Variants in CFAP47 observed in about 807,000 individuals in gnomAD.
CFAP47 encodes cilia- and flagella-associated protein 47.
Under a neutral mutation model 148.1 loss-of-function variants are expected in CFAP47, and 29 were observed. The ratio of observed to expected loss-of-function variants is 0.20; its 90% CI spans 0.15 to 0.27. The LOEUF (loss-of-function observed/expected upper bound fraction) is 0.27, where lower values mean the gene tolerates loss of function less well. Ranked by LOEUF, CFAP47 falls within the 10% of genes least tolerant of loss-of-function variation. CFAP47 has a pLI of 1.00. For synonymous variants in CFAP47, 664 were observed against 577.3 expected (o/e 1.15, Z -2.15); for missense variants, 1,872 against 1,697.5 (o/e 1.10, Z -1.81).
chrX:35,920,540 A>G (rs1030044963), intron 1 of CFAP47, among the ~76,000 whole-genome samples: 1 of 111,930 alleles, frequency 8.9e-6, no homozygotes, highest in African/African-American at 3.2e-5. Context: ...CGGAATGGAC[A>G]CAGCCCTGCC....
intron 45 of CFAP47, among the ~76,000 whole-genome samples, chrX:36,223,184 C>T (rs1940231420): frequency 9.0e-6 from 1 of 111,153 alleles, no homozygotes; most frequent in Non-Finnish European, 1.9e-5. Flanking sequence ...TCCTTTATAG[C>T]TTACAGAACC....
chrX:35,960,380 G>GGAAAAAAAAAAAAAAAAAAAAAAAAA (rs1227681980), intron 8 of CFAP47, among the ~76,000 whole-genome samples: 2 of 15,489 alleles, frequency 1.3e-4, no homozygotes, highest in African/African-American at 5.2e-4. Flanking sequence ...GCTAATTTCT[G>GGAAAAAAAAAAAAAAAAAAAAAAAAA]AAAAAAAAAA....
At chrX:36,077,282 GT>G (rs747809859) in intron 29 of CFAP47, among the ~76,000 whole-genome samples, 7 of 74,107 alleles carry the variant, frequency 9.4e-5, no homozygotes, top group Admixed American at 5.1e-4. Context: ...TTTTAGAAAA[GT>G]TTTTTTTTAT....
rs782180630 is a variant in CFAP47 at position 36,379,446 on chromosome X, C to T, written c.9282C>T (p.Asn3094=). 88 of 1,159,970 alleles carry T rather than the reference C, an allele frequency of 7.6e-5. No homozygotes were observed. In the East Asian group the frequency reaches 1.6e-3, roughly 21 times the overall value. The change falls in exon 63 of 64, where the codon AAC becomes AAT. Residue 3094 remains asparagine, a synonymous_variant. Transcript: ENST00000378653. The part of the protein sequence containing the change: ...QAGELLPFNT[N]GTLITVGFKP... ...GAGAACTTCTTCCTTTTAACACAAA[C>T]GGAACTCTCATCACTGTAGGATTTA...
intron 33 of CFAP47, among the ~76,000 whole-genome samples, chrX:36,120,783 A>G (rs1266836550): frequency 9.1e-6 from 1 of 109,785 alleles, no homozygotes; most frequent in Admixed American, 9.7e-5. Flanking sequence ...GCCCTAACAT[A>G]TAATCTGTTT....
chrX:36,345,140 C>CT (rs1234386230), intron 57 of CFAP47, among the ~76,000 whole-genome samples: 5 of 111,111 alleles, frequency 4.5e-5, no homozygotes, highest in Non-Finnish European at 9.4e-5. Flanking sequence ...TAATGTATAA[C>CT]TTTTTTTTAG....
At chrX:36,194,307 G>A (rs1005527560) in intron 42 of CFAP47, among the ~76,000 whole-genome samples, 2 of 111,034 alleles carry the variant, frequency 1.8e-5, no homozygotes, top group African/African-American at 6.5e-5. Context: ...ACTGGTCAGC[G>A]CTTGGTCCCA....
rs775602003 is a variant in CFAP47 at position 35,970,832 on chromosome X, G to A, written c.1879G>A (p.Glu627Lys). 2.7e-5 allele frequency: 32 copies of A among 1,188,033 alleles called. No individual in the cohort carries two copies. The highest frequency in any genetic ancestry group is 3.4e-5 in the Non-Finnish European group (30 of 881,357). ...TCATGATTTTGCATATACTACATTT[G>A]AAAAACAGCAAAAGAAATTACATGA... ...VNHDFAYTTF[E>K]KQQKKLHENY... The change falls in exon 11 of 64, where the codon GAA becomes AAA. Residue 627 changes from glutamate (E) to lysine (K), a missense_variant. Glu to Lys is a moderately conservative substitution (Grantham distance 56). Transcript: ENST00000378653.
chrX:35,950,997 C>G lies in CFAP47; in HGVS notation c.657-134C>G, dbSNP rs767317941. On this transcript the variant is annotated intron_variant, in intron 4 of 63. Transcript: ENST00000378653. ...TCTGGTATGTACGTGAAAGGAACTA[C>G]TCTTAGGCTACTGAATTTTAATGAT... 3 of 473,465 alleles carry G rather than the reference C, an allele frequency of 6.3e-6. No homozygotes were observed. The East Asian group carries it at 1.1e-4, about 17-fold the overall frequency. The allele number at this position is 473,465 out of a possible 1,213,427, so 39.0% of individuals were successfully genotyped here.
intron 28 of CFAP47, 48 bp downstream of exon 28, chrX:36,072,019 G>A (rs765515686): frequency 1.0e-6 from 1 of 980,836 alleles, no homozygotes; most frequent in Non-Finnish European, 1.4e-6. Context: ...TCCATGACAT[G>A]ATCTCCTTAA....
intron 49 of CFAP47, among the ~76,000 whole-genome samples, chrX:36,267,928 C>A (rs889278067): frequency 8.9e-6 from 1 of 112,688 alleles, no homozygotes; most frequent in Non-Finnish European, 1.9e-5. Context: ...TCCCAGGTAG[C>A]CTATGCTCTG....
intron 57 of CFAP47, among the ~76,000 whole-genome samples, chrX:36,337,800 C>A (rs1941617633): frequency 9.2e-6 from 1 of 108,999 alleles, no homozygotes; most frequent in Non-Finnish European, 1.9e-5. Flanking sequence ...TTACTGAATC[C>A]CATACCTACT....
intron 59 of CFAP47, among the ~76,000 whole-genome samples, chrX:36,351,583 CAT>C (rs1232202677): frequency 8.9e-6 from 1 of 111,971 alleles, no homozygotes; most frequent in Non-Finnish European, 1.9e-5. Flanking sequence ...AACACAAAAA[CAT>C]AGATTTCTTG....
chrX:36,240,609 G>A (rs1940531471), intron 48 of CFAP47, among the ~76,000 whole-genome samples: 1 of 110,494 alleles, frequency 9.1e-6, no homozygotes, highest in Admixed American at 9.7e-5. Context: ...AAAGAAAAAT[G>A]AACAGAACTT....
At chrX:36,277,560 C>T (rs1374530162) in intron 49 of CFAP47, among the ~76,000 whole-genome samples, 8 of 112,190 alleles carry the variant, frequency 7.1e-5, no homozygotes, top group African/African-American at 2.6e-4. Flanking sequence ...ACTCAATAAA[C>T]ACAAACATAT....
chrX:36,175,442 G>T (rs1160908614), intron 39 of CFAP47, among the ~76,000 whole-genome samples: 1 of 111,339 alleles, frequency 9.0e-6, no homozygotes, highest in Non-Finnish European at 1.9e-5. Context: ...ATCTACTTTT[G>T]GTCTTTGATG....
chrX:36,068,245 T>G (rs183342606), intron 27 of CFAP47, among the ~76,000 whole-genome samples: 1 of 112,083 alleles, frequency 8.9e-6, no homozygotes, highest in Non-Finnish European at 1.9e-5. Flanking sequence ...ATTATGTGTT[T>G]CTCTGGTGTA....
chrX:36,008,625 C>T (rs1049174462), intron 21 of CFAP47, among the ~76,000 whole-genome samples: 1 of 108,956 alleles, frequency 9.2e-6, no homozygotes, highest in African/African-American at 3.3e-5. Context: ...CAAAAAATAG[C>T]CGGGCATGGT....
intron 27 of CFAP47, among the ~76,000 whole-genome samples, chrX:36,066,611 A>T (rs1355429301): frequency 2.7e-5 from 3 of 111,623 alleles, no homozygotes; most frequent in Non-Finnish European, 5.7e-5. Context: ...TCTTGCCTTA[A>T]CTTATTCCTT....
Sources: allele counts gnomAD v4.1 joint callset (sites outside exome capture counted in the v4.1 genomes callset), GRCh38; gene constraint gnomAD v4.1.1; transcripts MANE v1.5; gene names NCBI Gene and HGNC (gene_info 2026-07-23, HGNC 2026-07-21).